The following SULF1 variants were observed in gnomAD, a reference collection of about 807,000 sequenced individuals.
SULF1 encodes the protein extracellular sulfatase Sulf-1.
A neutral mutation model predicts 110.5 loss-of-function variants in SULF1; 46 were observed. The ratio of observed to expected loss-of-function variants is 0.42; its 90% CI spans 0.33 to 0.53. SULF1 has a LOEUF of 0.53. Among genes scored for constraint, SULF1 ranks in the 20% least tolerant of loss-of-function variants. The pLI is 0.12. For missense variants in SULF1, 941 were observed against 1,094.2 expected (o/e 0.86, Z 1.98); for synonymous variants, 371 against 387.1 (o/e 0.96, Z 0.49).
intron 8 of SULF1, chr8:69,592,924 G>A: frequency 1.0e-6 from 1 of 987,400 alleles, no homozygotes; most frequent in Non-Finnish European, 1.2e-6. Flanking sequence ...CAATGGAACA[G>A]ACAGGGTAAG....
At chr8:69,496,372 C>T (rs1249307979) in intron 2 of SULF1, among the ~76,000 whole-genome samples, 7 of 152,212 alleles carry the variant, frequency 4.6e-5, no homozygotes, top group Non-Finnish European at 1.0e-4. Context: ...TGAATTTCTT[C>T]CACTTCTGAT....
chr8:69,601,751 A>G lies in SULF1; in HGVS notation c.983A>G (p.Lys328Arg), dbSNP rs779829102. The change falls in exon 10 of 23, where the codon AAG (lysine) becomes AGG (arginine). Residue 328 changes from lysine to arginine, a missense_variant. Physicochemically the swap from Lys to Arg is conservative, Grantham distance 26. Coordinates refer to ENST00000402687, the MANE Select transcript of SULF1 (RefSeq NM_001128205.2). ...GYHIGQFGLV[K>R]GKSMPYDFDI... ...CATATTGGGCAGTTTGGACTGGTCA[A>G]GGGGAAATCCATGCCATATGACTTT... is the stretch of plus-strand genomic sequence containing the variant. The G allele has an allele frequency of 6.2e-7, 1 of 1,613,658 alleles. No homozygotes were observed. Among genetic ancestry groups the G allele is most frequent in the Non-Finnish European group, 8.5e-7 (1 of 1,179,866 alleles).
chr8:69,598,161 T>C (rs1485263894), intron 8 of SULF1, among the ~76,000 whole-genome samples: 2 of 151,592 alleles, frequency 1.3e-5, no homozygotes, highest in Non-Finnish European at 2.9e-5. Flanking sequence ...TTTTCTTTGG[T>C]AGGCAGGAGA....
At chr8:69,514,917 G>A (rs559047041) in intron 3 of SULF1, among the ~76,000 whole-genome samples, 4 of 152,322 alleles carry the variant, frequency 2.6e-5, no homozygotes, top group South Asian at 2.1e-4. Flanking sequence ...CAAGCAGTGG[G>A]CTCCCAAGGC....
intron 1 of SULF1, among the ~76,000 whole-genome samples, chr8:69,472,744 C>G (rs1809135776): frequency 6.6e-6 from 1 of 152,192 alleles, no homozygotes; most frequent in Non-Finnish European, 1.5e-5. Flanking sequence ...TTGACACCAT[C>G]GTCACCTGTA....
At position 69,649,785 on chromosome 8, in the gene SULF1, C is replaced by T. The variant is rs376519609; in HGVS notation, c.2586-8720C>T. On this transcript the variant is annotated intron_variant, in intron 22 of 22. Transcript: ENST00000402687. ...GCTGCATAACATCTTGGTGGTATTA[C>T]CTTTGATTACTTGGCAAAGGTGGAG... 8.6e-5 allele frequency among the ~76,000 whole-genome samples: 13 copies of T among 151,960 alleles called. No individual in the cohort carries two copies. In the East Asian group the frequency reaches 2.5e-3, roughly 29 times the overall value.
intron 6 of SULF1, among the ~76,000 whole-genome samples, chr8:69,584,790 A>G (rs1262084784): frequency 6.6e-6 from 1 of 152,222 alleles, no homozygotes; most frequent in Non-Finnish European, 1.5e-5. Flanking sequence ...GTAAATGTGA[A>G]AATCTTCAAT....
intron 3 of SULF1, among the ~76,000 whole-genome samples, chr8:69,515,185 C>T (rs540075426): frequency 6.6e-6 from 1 of 152,192 alleles, no homozygotes; most frequent in Non-Finnish European, 1.5e-5. Context: ...GGGCTCCACT[C>T]CTGCAGCAGA....
chr8:69,655,545 C>T (rs896770135), intron 22 of SULF1, among the ~76,000 whole-genome samples: 6 of 152,044 alleles, frequency 3.9e-5, no homozygotes, highest in African/African-American at 1.2e-4. Context: ...ATTTTTATTG[C>T]CCTTAATCCC....
chr8:69,548,105 A>G (rs2150685334), intron 3 of SULF1, among the ~76,000 whole-genome samples: 1 of 152,288 alleles, frequency 6.6e-6, no homozygotes, highest in East Asian at 1.9e-4. Flanking sequence ...CCATACACAA[A>G]GGACTTGAGA....
chr8:69,494,047 G>A (rs560777895), intron 1 of SULF1, among the ~76,000 whole-genome samples: 1 of 151,878 alleles, frequency 6.6e-6, no homozygotes, highest in African/African-American at 2.4e-5. Flanking sequence ...TTATAAAACC[G>A]TGATTATAAC....
chr8:69,504,492 T>C (rs891926004), intron 3 of SULF1, among the ~76,000 whole-genome samples: 1 of 152,014 alleles, frequency 6.6e-6, no homozygotes. Flanking sequence ...GAGGCGGAGG[T>C]TGCAGTGAGC....
In SULF1 at chr8:69,532,473, A is replaced by C. The variant is rs559701375; in HGVS notation, c.-134+30505A>C. Among the ~76,000 whole-genome samples the C allele has an allele frequency of 5.3e-5, 8 of 152,258 alleles. No individual in the cohort carries two copies. In the East Asian group the frequency reaches 1.4e-3, roughly 26 times the overall value. On this transcript the variant is annotated intron_variant, in intron 3 of 22. Coordinates refer to ENST00000402687, the MANE Select transcript of SULF1 (RefSeq NM_001128205.2). ...ACTAACCCCCCTTTTCATTCCCACA[A>C]CACCACCAAATACTTTTCTGGTTTT...
rs148555931 is a variant in SULF1 at position 69,638,784 on chromosome 8, A to G, written c.2477A>G (p.His826Arg). ...TVERGILNQL[H>R]VQLMELRSCQ... ...GAACGAGGCATTTTGAATCAGCTAC[A>G]CGTACAACTAATGGAGCTCAGAAGC... The change falls in exon 21 of 23, where the codon CAC becomes CGC. Residue 826 changes from histidine to arginine, a missense_variant. Coordinates refer to ENST00000402687, the MANE Select transcript of SULF1 (RefSeq NM_001128205.2). The G allele has an allele frequency of 6.2e-7, 1 of 1,614,176 alleles. No homozygotes were observed.
At chr8:69,589,209 C>T (rs1806691356) in intron 8 of SULF1, 68 bp downstream of exon 8, 1 of 1,456,872 alleles carries the variant, frequency 6.9e-7, no homozygotes, top group Non-Finnish European at 9.3e-7. Flanking sequence ...TCCCACTCCT[C>T]TCCTTTACCC....
chr8:69,653,905 C>T lies in SULF1; in HGVS notation c.2586-4600C>T, dbSNP rs1395471379. ...GCCCTAGTCCCCTGGCCATGAACCC[C>T]GTAGTGAGAAGATTATAAAAGTCAA... is the stretch of plus-strand genomic sequence containing the variant. On this transcript the variant is annotated intron_variant, in intron 22 of 22. Transcript: ENST00000402687. Among the ~76,000 whole-genome samples the T allele has an allele frequency of 8.5e-5, 13 of 152,292 alleles. No homozygotes were observed. In the East Asian group the frequency reaches 2.3e-3, roughly 27 times the overall value.
chr8:69,627,051 T>G (rs1810131498), intron 15 of SULF1, among the ~76,000 whole-genome samples, 159 bp from the exon 16 acceptor site: 1 of 152,236 alleles, frequency 6.6e-6, no homozygotes, highest in African/African-American at 2.4e-5. Context: ...CGCTGTCACC[T>G]CTCAATATTC....
At chr8:69,495,172 C>T (rs1810253475) in intron 1 of SULF1, among the ~76,000 whole-genome samples, 1 of 152,126 alleles carries the variant, frequency 6.6e-6, no homozygotes, top group African/African-American at 2.4e-5. Context: ...TGAGATATCA[C>T]TAAGAGGTTA....
At chr8:69,575,211 T>G (rs1400401319) in intron 5 of SULF1, among the ~76,000 whole-genome samples, 1 of 152,110 alleles carries the variant, frequency 6.6e-6, no homozygotes, top group African/African-American at 2.4e-5. Flanking sequence ...TTTTTTTTTT[T>G]TTTCCTTCCT....
Sources: gnomAD v4.1 joint callset for allele counts (sites outside exome capture counted in the v4.1 genomes callset) on GRCh38, gnomAD v4.1.1 for gene constraint, MANE v1.5 for transcripts, NCBI Gene and HGNC (gene_info 2026-07-23, HGNC 2026-07-21) for gene names.